GRIA3: variants seen among roughly 807,000 people sequenced by gnomAD.
The protein encoded by GRIA3 is glutamate ionotropic receptor AMPA type subunit 3, also known as glutamate receptor 3.
In GRIA3, 3 loss-of-function variants were observed where a neutral mutation model predicts 63.0. That is an observed-to-expected ratio of 0.05 (90% CI 0.02 to 0.12). The LOEUF is 0.12. GRIA3 is among the 10% of genes least tolerant of loss of function. The pLI, the probability that GRIA3 is intolerant of heterozygous loss-of-function variation, is 1.00. For missense variants in GRIA3, 347 were observed against 700.9 expected (o/e 0.50, Z 5.70); for synonymous variants, 274 against 257.9 (o/e 1.06, Z -0.60).
At chrX:123,477,341 T>C (rs945532499) in intron 13 of GRIA3, among the ~76,000 whole-genome samples, 4 of 112,524 alleles carry the variant, frequency 3.6e-5, no homozygotes, top group Admixed American at 1.9e-4. Context: ...ACCCAATATA[T>C]GCTAACATAA....
At chrX:123,254,404 T>TA (rs2044408095) in intron 3 of GRIA3, among the ~76,000 whole-genome samples, 1 of 111,829 alleles carries the variant, frequency 8.9e-6, no homozygotes, top group African/African-American at 3.3e-5. Flanking sequence ...GGTTCCTTGG[T>TA]AAAACCAAGG....
chrX:123,474,444 G>A (rs975696374), intron 13 of GRIA3, among the ~76,000 whole-genome samples: 4 of 111,778 alleles, frequency 3.6e-5, no homozygotes, highest in Admixed American at 1.9e-4. Context: ...AGCACTTTGG[G>A]AGGCTGAGGT....
At chrX:123,386,078 C>T (rs762654751) in intron 5 of GRIA3, among the ~76,000 whole-genome samples, 11 of 111,616 alleles carry the variant, frequency 9.9e-5, no homozygotes, top group Admixed American at 1.9e-4. Flanking sequence ...TTCTCCTCAT[C>T]CTTGCCAGCA....
chrX:123,382,545 A>G (rs1400211688), intron 5 of GRIA3, among the ~76,000 whole-genome samples: 1 of 111,925 alleles, frequency 8.9e-6, no homozygotes, highest in African/African-American at 3.2e-5. Context: ...GTGTTTCCAA[A>G]TCACAATGTG....
chrX:123,298,155 C>T (rs1165688863), intron 3 of GRIA3, among the ~76,000 whole-genome samples: 6 of 111,162 alleles, frequency 5.4e-5, no homozygotes, highest in Non-Finnish European at 7.6e-5. Context: ...AGGCTGATTC[C>T]ATGTCTCTGC....
chrX:123,211,407 G>A (rs922529108), intron 2 of GRIA3, among the ~76,000 whole-genome samples: 9 of 111,552 alleles, frequency 8.1e-5, no homozygotes, highest in African/African-American at 2.9e-4. Context: ...ATAAATATAT[G>A]TCAGTAATGA....
intron 3 of GRIA3, 193 bp downstream of exon 3, chrX:123,253,735 C>A (rs1387245392): frequency 1.4e-5 from 6 of 433,863 alleles, no homozygotes; most frequent in Non-Finnish European, 1.9e-5. Flanking sequence ...ATTTTTCAAG[C>A]TATGTAGGCC....
At chrX:123,323,696 A>G (rs936713401) in intron 3 of GRIA3, among the ~76,000 whole-genome samples, 23 of 111,842 alleles carry the variant, frequency 2.1e-4, no homozygotes, top group African/African-American at 7.2e-4. Flanking sequence ...GAATTTGAAA[A>G]TAAGGGAGAA....
intron 2 of GRIA3, among the ~76,000 whole-genome samples, chrX:123,202,467 T>G (rs1324244716): frequency 8.9e-6 from 1 of 112,434 alleles, no homozygotes; most frequent in African/African-American, 3.2e-5. Context: ...GTCTCACTAG[T>G]CTTAGCTCCT....
intron 3 of GRIA3, among the ~76,000 whole-genome samples, chrX:123,315,658 G>A (rs1168087031): frequency 9.0e-6 from 1 of 111,651 alleles, no homozygotes; most frequent in Non-Finnish European, 1.9e-5. Context: ...ACTAAATTGA[G>A]CTCATCATCT....
intron 5 of GRIA3, among the ~76,000 whole-genome samples, chrX:123,367,708 A>T (rs2045220782): frequency 9.0e-6 from 1 of 111,541 alleles, no homozygotes; most frequent in African/African-American, 3.3e-5. Context: ...AAGTGCACGG[A>T]TTACAGGCAT....
chrX:123,238,298 G>T (rs1293201004), intron 2 of GRIA3, among the ~76,000 whole-genome samples: 1 of 111,143 alleles, frequency 9.0e-6, no homozygotes, highest in East Asian at 2.8e-4. Context: ...TGTGACTCCA[G>T]CTGGGTGGTG....
chrX:123,231,240 C>G (rs1034595182), intron 2 of GRIA3, among the ~76,000 whole-genome samples: 1 of 111,464 alleles, frequency 9.0e-6, no homozygotes, highest in Admixed American at 9.5e-5. Flanking sequence ...AACGATAAAC[C>G]CGACTTCAAA....
At chrX:123,346,190 A>T (rs1367131775) in intron 4 of GRIA3, among the ~76,000 whole-genome samples, 1 of 111,811 alleles carries the variant, frequency 8.9e-6, no homozygotes, top group African/African-American at 3.2e-5. Context: ...GACTATTGTA[A>T]TCCTTATTTT....
chrX:123,201,760 T>C (rs1419284457), intron 2 of GRIA3, among the ~76,000 whole-genome samples: 3 of 111,709 alleles, frequency 2.7e-5, no homozygotes, highest in Non-Finnish European at 5.6e-5. Context: ...TGGTAGTAAC[T>C]GATTATTTGG....
At chrX:123,396,199 A>AAATAATGATAATAAT (rs1556311714) in intron 6 of GRIA3, among the ~76,000 whole-genome samples, 2 of 85,982 alleles carry the variant, frequency 2.3e-5, no homozygotes, top group African/African-American at 8.6e-5. Context: ...CTCCATCTCA[A>AAATAATGATAATAAT]AATAATAATA....
At chrX:123,213,481 C>T (rs988052667) in intron 2 of GRIA3, among the ~76,000 whole-genome samples, 13 of 112,379 alleles carry the variant, frequency 1.2e-4, no homozygotes, top group African/African-American at 4.2e-4. Context: ...GGTCATGCTA[C>T]TAGTGAGGGC....
In GRIA3 at chrX:123,417,620, C is replaced by T. The variant is rs2045543339; in HGVS notation, c.1719C>T (p.Val573=). ...YIGVSVVLFL[V]SRFSPYEWHL... is the part of the protein sequence containing the mutation. ...GAGTCAGCGTAGTTCTTTTCCTAGTCAGCAGGTTCAGTCCTTATGAATGGC... is the reference window on the plus strand; with the variant it reads ...GAGTCAGCGTAGTTCTTTTCCTAGTTAGCAGGTTCAGTCCTTATGAATGGC... The change falls in exon 11 of 16, where the codon GTC becomes GTT. Residue 573 remains valine (V), a synonymous_variant. Coordinates refer to ENST00000620443, the MANE Select transcript of GRIA3 (RefSeq NM_007325.5). 2 of 1,202,755 alleles carry T rather than the reference C, an allele frequency of 1.7e-6. No individual in the cohort carries two copies. Among genetic ancestry groups the T allele is most frequent in the Admixed American group, 2.2e-5 (1 of 45,260 alleles).
chrX:123,285,483 G>A (rs185027135), intron 3 of GRIA3, among the ~76,000 whole-genome samples: 22 of 104,678 alleles, frequency 2.1e-4, no homozygotes, highest in Admixed American at 1.6e-3. Context: ...AAGGCCCATC[G>A]GTGTGCTGTA....
Sources: allele counts gnomAD v4.1 joint callset (sites outside exome capture counted in the v4.1 genomes callset), GRCh38; gene constraint gnomAD v4.1.1; transcripts MANE v1.5; gene names NCBI Gene and HGNC (gene_info 2026-07-23, HGNC 2026-07-21).